Variants in CPLX2 observed in about 807,000 individuals in gnomAD.
CPLX2 encodes the protein complexin-2.
CPLX2 carries 5 observed loss-of-function variants against 16.3 expected under a neutral mutation model. The observed-to-expected ratio is 0.31, with a 90% CI of 0.16 to 0.64. The LOEUF is 0.64. CPLX2 is among the 30% of genes least tolerant of loss of function. The probability of loss-of-function intolerance (pLI) is 0.79; values close to 1 mark genes in which losing one functional copy is unlikely to be tolerated. For missense variants in CPLX2, 144 were observed against 181.4 expected, an observed-to-expected ratio of 0.79 and a Z score of 1.18; for synonymous variants, 89 against 73.2, an observed-to-expected ratio of 1.22 and a Z score of -1.10.
In CPLX2 at chr5:175,881,752, A is replaced by C. The variant is rs1581109436; in HGVS notation, c.*1707A>C. ...GGGGCTCCTGCCTGAGGTCCTCAGAATCCCACTGCAATGGACCCAGGCAGC... is the reference window on the plus strand; with the variant it reads ...GGGGCTCCTGCCTGAGGTCCTCAGACTCCCACTGCAATGGACCCAGGCAGC... On this transcript the variant is annotated 3_prime_UTR_variant, in exon 4 of 4. Coordinates refer to ENST00000393745, the MANE Select transcript of CPLX2 (RefSeq NM_001008220.2). 1 of 152,560 alleles carries C rather than the reference A, an allele frequency of 6.6e-6. No individual in the cohort carries two copies. The highest frequency in any genetic ancestry group is 1.9e-4 in the East Asian group (1 of 5,182). 9.5% of individuals were successfully genotyped at this position (152,560 alleles called of 1,614,324 possible).
At chr5:175,816,907 A>G (rs1303634135) in intron 2 of CPLX2, among the ~76,000 whole-genome samples, 2 of 152,250 alleles carry the variant, frequency 1.3e-5, no homozygotes, top group Non-Finnish European at 2.9e-5. Context: ...AAGTTGATGG[A>G]AAAATAGAGG....
chr5:175,847,680 G>A (rs578120774), intron 2 of CPLX2, among the ~76,000 whole-genome samples: 2 of 152,150 alleles, frequency 1.3e-5, no homozygotes, highest in Non-Finnish European at 2.9e-5. Flanking sequence ...ACTCCTGCAG[G>A]GGGCATGAGA....
At chr5:175,870,892 A>T (rs966457851), upstream of CPLX2, among the ~76,000 whole-genome samples, 2 of 152,052 alleles carry the variant, frequency 1.3e-5, no homozygotes. Flanking sequence ...ACCCACTGCG[A>T]GGGTCTTGCC....
chr5:175,811,639 G>A (rs1758314462), intron 2 of CPLX2, among the ~76,000 whole-genome samples: 2 of 152,108 alleles, frequency 1.3e-5, no homozygotes, highest in Non-Finnish European at 2.9e-5. Context: ...CACCGAGAGA[G>A]AAGCTTCCTG....
chr5:175,849,981 C>T lies in CPLX2; in HGVS notation c.-88-28671C>T, dbSNP rs1292174763. On this transcript the variant is annotated intron_variant, in intron 2 of 4. Coordinates refer to the CPLX2 transcript ENST00000359546. The surrounding 1 kb of genome is among the most constrained non-coding windows in gnomAD (Gnocchi z 4.4). ...TCTGTTTCCCACTGAATCAGGGGCT[C>T]CCTGTGCTCCAAAGGAGCCACATAC... Among the ~76,000 whole-genome samples the T allele has an allele frequency of 6.6e-6, 1 of 152,218 alleles. No individual in the cohort carries two copies. Among genetic ancestry groups the T allele is most frequent in the African/African-American group, 2.4e-5 (1 of 41,458 alleles).
intron 2 of CPLX2, among the ~76,000 whole-genome samples, chr5:175,844,536 G>C (rs1225053814): frequency 6.6e-6 from 1 of 152,328 alleles, no homozygotes; most frequent in South Asian, 2.1e-4. Flanking sequence ...GTGACAAGGA[G>C]GGTGGCTTGT....
chr5:175,808,004 G>A lies in CPLX2; in HGVS notation c.-168-985G>A, dbSNP rs142966848. On this transcript the variant is annotated intron_variant, in intron 1 of 4. Transcript: ENST00000359546. ...GCTTCCTGGAGCCACTGAGAGCAGGGCTATCGTTACTAAAAGAAGAGGAAA... is the reference window on the plus strand; with the variant it reads ...GCTTCCTGGAGCCACTGAGAGCAGGACTATCGTTACTAAAAGAAGAGGAAA... Among the ~76,000 whole-genome samples the A allele has an allele frequency of 6.3e-3, 956 of 152,338 alleles. 13 individuals are homozygous for A. The highest frequency in any genetic ancestry group is 0.022 in the African/African-American group (917 of 41,578).
intron 2 of CPLX2, among the ~76,000 whole-genome samples, chr5:175,863,884 G>A (rs1581098009): frequency 1.3e-5 from 2 of 151,950 alleles, no homozygotes; most frequent in Non-Finnish European, 2.9e-5. Context: ...CAAGAAAAGG[G>A]GTAAAAAGAA....
intron 2 of CPLX2, among the ~76,000 whole-genome samples, chr5:175,819,943 C>T (rs142307973): frequency 9.5e-4 from 144 of 152,348 alleles, no homozygotes; most frequent in African/African-American, 3.4e-3. Context: ...ACATCTATCT[C>T]ACTCCTTATT....
intron 2 of CPLX2, among the ~76,000 whole-genome samples, chr5:175,823,842 C>T (rs1758557176): frequency 6.6e-6 from 1 of 152,202 alleles, no homozygotes; most frequent in African/African-American, 2.4e-5. Flanking sequence ...CTCCTCAAAC[C>T]ACTCAGCCAG....
intron 2 of CPLX2, among the ~76,000 whole-genome samples, chr5:175,857,867 G>A (rs1400584387): frequency 1.3e-5 from 2 of 152,318 alleles, no homozygotes; most frequent in East Asian, 3.9e-4. Flanking sequence ...CCCAGAGCAC[G>A]TGCTCAGGGA....
chr5:175,878,005 G>T (rs1476314329), intron 1 of CPLX2, among the ~76,000 whole-genome samples: 1 of 152,146 alleles, frequency 6.6e-6, no homozygotes, highest in Non-Finnish European at 1.5e-5. Context: ...AATAAAAATC[G>T]ATATTAAGCT....
chr5:175,878,567 C>T (rs1443239122), intron 1 of CPLX2, 85 bp from the exon 2 acceptor site: 1 of 688,178 alleles, frequency 1.5e-6, no homozygotes, highest in South Asian at 1.8e-5. Context: ...GGTGTCTGAA[C>T]CAGGGTGAGG....
chr5:175,811,572 T>C (rs1758312871), intron 2 of CPLX2, among the ~76,000 whole-genome samples: 1 of 152,062 alleles, frequency 6.6e-6, no homozygotes, highest in South Asian at 2.1e-4. Context: ...CTGAGTTGAC[T>C]TGGCTTGAAT....
At chr5:175,862,796 T>C (rs1759396576) in intron 2 of CPLX2, among the ~76,000 whole-genome samples, 1 of 152,214 alleles carries the variant, frequency 6.6e-6, no homozygotes, top group Admixed American at 6.5e-5. Context: ...TCAATTGATC[T>C]CTGGGGACTG....
At chr5:175,815,383 A>G (rs1163392546) in intron 2 of CPLX2, among the ~76,000 whole-genome samples, 1 of 152,140 alleles carries the variant, frequency 6.6e-6, no homozygotes, top group African/African-American at 2.4e-5. Flanking sequence ...GGCGGAGAGC[A>G]CATGCATGGA....
At chr5:175,823,489 G>A (rs1427273849) in intron 2 of CPLX2, among the ~76,000 whole-genome samples, 4 of 152,176 alleles carry the variant, frequency 2.6e-5, no homozygotes, top group Non-Finnish European at 4.4e-5. Context: ...AGAGATAACT[G>A]GTGAGATCAG....
chr5:175,839,304 GAGA>G (rs1369131006), intron 2 of CPLX2, among the ~76,000 whole-genome samples: 1 of 148,894 alleles, frequency 6.7e-6, no homozygotes, highest in Non-Finnish European at 1.5e-5. Context: ...TTGTTTTTTT[GAGA>G]AGGAGTCTCG....
chr5:175,817,732 C>A (rs919440910), intron 2 of CPLX2, among the ~76,000 whole-genome samples: 4 of 152,076 alleles, frequency 2.6e-5, no homozygotes, highest in Admixed American at 6.6e-5. Context: ...AGGAGTTGTG[C>A]GGGGGAACTG....
Sources: allele counts gnomAD v4.1 joint callset (sites outside exome capture counted in the v4.1 genomes callset), GRCh38; gene constraint gnomAD v4.1.1; non-coding constraint Gnocchi (gnomAD v3.1); transcripts MANE v1.5; gene names NCBI Gene and HGNC (gene_info 2026-07-23, HGNC 2026-07-21).